The following C7orf57 variants were observed in gnomAD, a reference collection of about 807,000 sequenced individuals.
The protein encoded by C7orf57 is uncharacterized protein C7orf57.
A neutral mutation model predicts 39.0 loss-of-function variants in C7orf57; 33 were observed. The observed-to-expected ratio is 0.85, with a 90% CI of 0.64 to 1.13. The LOEUF is 1.13. Ranked by LOEUF, C7orf57 falls within the 50% of genes most tolerant of loss-of-function variation. C7orf57 has a pLI of 0.00. For missense variants in C7orf57, 346 were observed against 362.3 expected (o/e 0.95, Z 0.37); for synonymous variants, 124 against 137.1 (o/e 0.90, Z 0.67).
Position 48,050,108 on chromosome 7 carries a change from G to A in C7orf57, c.605+131G>A. On this transcript the variant is annotated intron_variant, in intron 6 of 8. Transcript: ENST00000348904. ...CGAAGCCCTGTCTGTGGCCTGGCCT[G>A]GCTGTGCCTGTCGCCTCCTCACTGT... is the stretch of plus-strand genomic sequence containing the variant. The A allele has an allele frequency of 4.5e-6, 3 of 668,358 alleles. No homozygotes were observed. The Admixed American group carries it at 6.9e-5, about 15-fold the overall frequency. 41.4% of individuals were successfully genotyped at this position (668,358 alleles called of 1,614,324 possible). A position where few individuals can be genotyped will look rare whatever the true frequency, so the allele number is the denominator to read the frequency against.
At chr7:48,044,446 T>C (rs933453709) in intron 4 of C7orf57, among the ~76,000 whole-genome samples, 4 of 152,220 alleles carry the variant, frequency 2.6e-5, no homozygotes, top group Admixed American at 6.5e-5. Flanking sequence ...CAATAGATGA[T>C]TGACTATTTC....
chr7:48,052,319 C>T (rs1380412144), intron 6 of C7orf57, among the ~76,000 whole-genome samples: 1 of 152,084 alleles, frequency 6.6e-6, no homozygotes, highest in Non-Finnish European at 1.5e-5. Flanking sequence ...CTGAGCAATC[C>T]ATTACTATGA....
intron 6 of C7orf57, among the ~76,000 whole-genome samples, chr7:48,051,952 C>CT (rs201842876): frequency 8.2e-5 from 9 of 109,146 alleles, no homozygotes; most frequent in East Asian, 5.2e-4. Flanking sequence ...TTTTTTCTTT[C>CT]TTTTTTTTTT....
chr7:48,036,247 C>A lies in C7orf57; in HGVS notation c.-62C>A, dbSNP rs1042389126. ...AACTGGTCAAGCAGGCAGCGTCCAG[C>A]GCACCCGCGAACACCAGGTCCGGCA... On this transcript the variant is annotated 5_prime_UTR_variant, in exon 2 of 9. Coordinates refer to ENST00000348904, the MANE Select transcript of C7orf57 (RefSeq NM_001100159.3). 12 of 1,523,558 alleles carry A rather than the reference C, an allele frequency of 7.9e-6. No homozygotes were observed. Among genetic ancestry groups the A allele is most frequent in the Non-Finnish European group, 8.9e-7 (1 of 1,121,352 alleles). The allele number at this position is 1,523,558 out of a possible 1,614,324, so 94.4% of individuals were successfully genotyped here.
chr7:48,053,219 T>C, intron 7 of C7orf57: 1 of 424,092 alleles, frequency 2.4e-6, no homozygotes, highest in East Asian at 5.5e-5. Context: ...ATATACCAAA[T>C]AGTATCAACT....
chr7:48,056,247 C>T (rs868311844), intron 8 of C7orf57, among the ~76,000 whole-genome samples: 11 of 152,160 alleles, frequency 7.2e-5, no homozygotes, highest in Middle Eastern at 6.8e-3. Flanking sequence ...ACCTGTTGGC[C>T]ATTTGCATGT....
chr7:48,041,579 G>A (rs193017127), intron 3 of C7orf57, 60 bp downstream of exon 3: 1 of 1,337,858 alleles, frequency 7.5e-7, no homozygotes, highest in South Asian at 1.5e-5. Context: ...GGGGGCGTTT[G>A]TTCCTAATTT....
At position 48,036,247 on chromosome 7, in the gene C7orf57, C is replaced by T. The variant is rs1042389126; in HGVS notation, c.-62C>T. On this transcript the variant is annotated 5_prime_UTR_variant, in exon 2 of 9. Coordinates refer to ENST00000348904, the MANE Select transcript of C7orf57 (RefSeq NM_001100159.3). ...AACTGGTCAAGCAGGCAGCGTCCAG[C>T]GCACCCGCGAACACCAGGTCCGGCA... 2 of 1,523,552 alleles carry T rather than the reference C, an allele frequency of 1.3e-6. No homozygotes were observed. Among genetic ancestry groups the T allele is most frequent in the South Asian group, 1.2e-5 (1 of 83,580 alleles). 94.4% of individuals were successfully genotyped at this position (1,523,552 alleles called of 1,614,324 possible).
chr7:48,053,173 A>C (rs1398817400), intron 7 of C7orf57: 3 of 601,320 alleles, frequency 5.0e-6, no homozygotes, highest in Non-Finnish European at 9.2e-6. Flanking sequence ...TATTTGTCAA[A>C]AATTTTGATA....
intron 6 of C7orf57, among the ~76,000 whole-genome samples, chr7:48,050,411 T>A: frequency 6.6e-6 from 1 of 152,234 alleles, no homozygotes; most frequent in East Asian, 1.9e-4. Context: ...AGTTGGAAGA[T>A]ATAGCAGACA....
In C7orf57 at chr7:48,041,331, T is replaced by C. The variant is rs1255004771; in HGVS notation, c.56-3T>C. 3 of 1,610,728 alleles carry C rather than the reference T, an allele frequency of 1.9e-6. No homozygotes were observed. The highest frequency in any genetic ancestry group is 2.2e-5 in the East Asian group (1 of 44,834). The stretch of plus-strand genomic sequence containing the variant: ...TGTGGCCCTCCGCCTCTCTCCTCTA[T>C]AGATTGGTATTACCACGTCCCAGTG... On this transcript the variant is annotated splice_region_variant and splice_polypyrimidine_tract_variant and intron_variant, in intron 2 of 8. Coordinates refer to ENST00000348904, the MANE Select transcript of C7orf57 (RefSeq NM_001100159.3).
chr7:48,050,863 C>T (rs774679527), intron 6 of C7orf57, among the ~76,000 whole-genome samples: 1 of 152,132 alleles, frequency 6.6e-6, no homozygotes, highest in South Asian at 2.1e-4. Context: ...GAGACAAGAT[C>T]TCACTATGTT....
At chr7:48,037,812 C>T (rs1790427673) in intron 2 of C7orf57, among the ~76,000 whole-genome samples, 1 of 151,182 alleles carries the variant, frequency 6.6e-6, no homozygotes, top group East Asian at 1.9e-4. Flanking sequence ...ATGGTTCTTA[C>T]TGATCCAGGC....
At chr7:48,059,952 C>T (rs2128800733) in intron 8 of C7orf57, among the ~76,000 whole-genome samples, 1 of 152,254 alleles carries the variant, frequency 6.6e-6, no homozygotes, top group East Asian at 1.9e-4. Context: ...GTGCTTATGT[C>T]AGCAGAAACT....
chr7:48,055,563 C>T (rs1039925470), intron 8 of C7orf57, among the ~76,000 whole-genome samples: 1 of 152,254 alleles, frequency 6.6e-6, no homozygotes, highest in African/African-American at 2.4e-5. Flanking sequence ...TAAAACTTAA[C>T]TCCTCCTGTC....
chr7:48,040,711 A>G (rs1790522978), intron 2 of C7orf57, among the ~76,000 whole-genome samples: 1 of 152,008 alleles, frequency 6.6e-6, no homozygotes, highest in South Asian at 2.1e-4. Context: ...TCATATGGAG[A>G]GAGGCTGCCG....
intron 7 of C7orf57, 63 bp from the exon 8 acceptor site, chr7:48,054,532 T>A: frequency 7.4e-7 from 1 of 1,347,594 alleles, no homozygotes; most frequent in Non-Finnish European, 1.0e-6. Flanking sequence ...TAAGTAATTA[T>A]GACTTCTTTT....
At chr7:48,059,852 C>T (rs926696580) in intron 8 of C7orf57, among the ~76,000 whole-genome samples, 30 of 152,226 alleles carry the variant, frequency 2.0e-4, no homozygotes, top group Admixed American at 5.9e-4. Context: ...CGTGCCATGC[C>T]GAGGCTGACA....
At chr7:48,054,870 T>C (rs2686793) in intron 8 of C7orf57, among the ~76,000 whole-genome samples, 1 of 148,712 alleles carries the variant, frequency 6.7e-6, no homozygotes, top group Admixed American at 6.7e-5. Flanking sequence ...TGATGATGAT[T>C]ATTATTATTA....
Sources: gnomAD v4.1 joint callset for allele counts (sites outside exome capture counted in the v4.1 genomes callset) on GRCh38, gnomAD v4.1.1 for gene constraint, MANE v1.5 for transcripts, NCBI Gene and HGNC (gene_info 2026-07-23, HGNC 2026-07-21) for gene names.